The following TDRD3 variants were observed in gnomAD, a reference collection of about 807,000 sequenced individuals.
TDRD3 encodes tudor domain-containing protein 3.
TDRD3 carries 45 observed loss-of-function variants against 86.7 expected under a neutral mutation model. The ratio of observed to expected loss-of-function variants is 0.52; its 90% CI spans 0.41 to 0.67. The LOEUF is 0.67. Ranked by LOEUF, TDRD3 falls within the 30% of genes least tolerant of loss-of-function variation. The pLI is 0.00. For synonymous variants in TDRD3, 298 were observed against 301.7 expected (o/e 0.99, Z 0.13); for missense variants, 814 against 889.0 (o/e 0.92, Z 1.07).
chr13:60,440,330 C>A (rs1161934721), intron 2 of TDRD3, among the ~76,000 whole-genome samples: 1 of 150,486 alleles, frequency 6.6e-6, no homozygotes, highest in African/African-American at 2.4e-5. Flanking sequence ...TTTTTTTTTC[C>A]ATAATTGTAT....
At chr13:60,496,445 T>C (rs1253674927) in intron 8 of TDRD3, among the ~76,000 whole-genome samples, 1 of 150,592 alleles carries the variant, frequency 6.6e-6, no homozygotes, top group Non-Finnish European at 1.5e-5. Flanking sequence ...TTTCGTTAGA[T>C]TTGGGATTTT....
chr13:60,564,102 TTGAG>T (rs1958397336), intron 12 of TDRD3, among the ~76,000 whole-genome samples: 1 of 152,186 alleles, frequency 6.6e-6, no homozygotes, highest in African/African-American at 2.4e-5. Flanking sequence ...AAAGCTCATA[TTGAG>T]TATTAGTTAT....
chr13:60,494,457 G>A lies in TDRD3; in HGVS notation c.740G>A (p.Gly247Asp), dbSNP rs754113425. 6.8e-6 allele frequency: 11 copies of A among 1,613,216 alleles called. No individual in the cohort carries two copies. The highest frequency in any genetic ancestry group is 1.3e-5 in the African/African-American group (1 of 74,880). ...AAGACCAAGACATTTGGAGGAGGTG[G>A]TGGTGGTGCTAGAAGTAATCTCAAT... The part of the protein sequence containing the change: ...SKETKTFGGG[G>D]GGARSNLNMN... Residue 247 changes from glycine to aspartate, a missense_variant, in exon 8 of 14, where the codon GGT (glycine) becomes GAT (aspartate). By Grantham distance (94) the Gly-to-Asp change is moderately conservative. Transcript: ENST00000377881.
At chr13:60,563,664 G>C (rs1958388818) in intron 12 of TDRD3, among the ~76,000 whole-genome samples, 1 of 152,188 alleles carries the variant, frequency 6.6e-6, no homozygotes, top group African/African-American at 2.4e-5. Context: ...GCTCTCACTT[G>C]AGAACTCTTT....
chr13:60,523,685 G>A (rs536005429), intron 10 of TDRD3, among the ~76,000 whole-genome samples: 5 of 145,702 alleles, frequency 3.4e-5, no homozygotes, highest in South Asian at 2.2e-4. Context: ...CAAGCAATTC[G>A]CCTACCTCAG....
intron 12 of TDRD3, chr13:60,537,504 G>A (rs1428031001): frequency 6.6e-6 from 1 of 152,024 alleles, no homozygotes; most frequent in Non-Finnish European, 1.5e-5. Context: ...TATTGAAAGT[G>A]TTAATGTTGG....
intron 1 of TDRD3, among the ~76,000 whole-genome samples, chr13:60,431,465 A>C (rs1364095404): frequency 1.3e-5 from 2 of 151,868 alleles, no homozygotes; most frequent in African/African-American, 2.4e-5. Flanking sequence ...TTTCCCTAGA[A>C]ATTTTTTAAA....
At chr13:60,567,826 C>A (rs983421005) in intron 13 of TDRD3, among the ~76,000 whole-genome samples, 176 bp downstream of exon 13, 1 of 151,862 alleles carries the variant, frequency 6.6e-6, no homozygotes, top group African/African-American at 2.4e-5. Context: ...CAGGTTCAAG[C>A]GATTCTCCTG....
chr13:60,541,534 C>T (rs1957808855), intron 12 of TDRD3, among the ~76,000 whole-genome samples: 1 of 151,604 alleles, frequency 6.6e-6, no homozygotes, highest in African/African-American at 2.4e-5. Context: ...AATCTTTTAT[C>T]AACTAAATCT....
At chr13:60,480,233 AT>A (rs2137479600) in intron 5 of TDRD3, among the ~76,000 whole-genome samples, 1 of 152,112 alleles carries the variant, frequency 6.6e-6, no homozygotes, top group African/African-American at 2.4e-5. Context: ...AAAGGACTTC[AT>A]TTTTCCTTTG....
At chr13:60,523,499 T>C (rs867545356) in intron 10 of TDRD3, among the ~76,000 whole-genome samples, 2 of 152,092 alleles carry the variant, frequency 1.3e-5, no homozygotes, top group African/African-American at 2.4e-5. Context: ...TTTTCTCATA[T>C]GAGCTTTCCC....
At chr13:60,565,222 A>AT (rs1193630418) in intron 12 of TDRD3, among the ~76,000 whole-genome samples, 38 of 149,694 alleles carry the variant, frequency 2.5e-4, no homozygotes, top group African/African-American at 8.9e-4. Context: ...CGCCCGGCTA[A>AT]TTTTTTGTAT....
chr13:60,434,035 G>A lies in TDRD3; in HGVS notation c.42-5653G>A, dbSNP rs1201996176. The A allele has an allele frequency of 2.0e-5, 3 of 152,284 alleles. No homozygotes were observed. In the East Asian group the frequency reaches 5.8e-4, roughly 29 times the overall value. The allele number at this position is 152,284 out of a possible 1,614,324, so 9.4% of individuals were successfully genotyped here. A position where few individuals can be genotyped will look rare whatever the true frequency, so the allele number is the denominator to read the frequency against. Reference sequence around the variant, plus strand: ...AATTGAGATTCTTGAGCTATGGTTTGGACATGTCTGTTTTATATGCCAAGT... The same window carrying A: ...AATTGAGATTCTTGAGCTATGGTTTAGACATGTCTGTTTTATATGCCAAGT... On this transcript the variant is annotated intron_variant, in intron 1 of 13. Coordinates refer to ENST00000377881, the MANE Select transcript of TDRD3 (RefSeq NM_001146070.2).
chr13:60,451,059 T>C (rs1955528450), intron 3 of TDRD3, among the ~76,000 whole-genome samples: 1 of 152,238 alleles, frequency 6.6e-6, no homozygotes, highest in African/African-American at 2.4e-5. Flanking sequence ...AAATAAAGCT[T>C]GACAGATCTT....
chr13:60,461,768 G>T (rs1054800384), intron 4 of TDRD3, among the ~76,000 whole-genome samples: 1 of 152,168 alleles, frequency 6.6e-6, no homozygotes, highest in Non-Finnish European at 1.5e-5. Flanking sequence ...TAAACTGAGA[G>T]GTCTAAGAGT....
chr13:60,489,767 A>T (rs975361055), intron 7 of TDRD3, among the ~76,000 whole-genome samples: 1 of 152,204 alleles, frequency 6.6e-6, no homozygotes, highest in Non-Finnish European at 1.5e-5. Flanking sequence ...TTAAATTAAT[A>T]CATTTTATAT....
intron 13 of TDRD3, among the ~76,000 whole-genome samples, chr13:60,571,632 T>A (rs188403548): frequency 6.6e-6 from 1 of 152,342 alleles, no homozygotes; most frequent in East Asian, 1.9e-4. Flanking sequence ...TCAGTAAGTG[T>A]TTATTAAATC....
intron 8 of TDRD3, among the ~76,000 whole-genome samples, chr13:60,495,400 C>G (rs1280247671): frequency 1.3e-5 from 2 of 152,002 alleles, no homozygotes; most frequent in African/African-American, 4.8e-5. Flanking sequence ...GCAGAGCCAG[C>G]TATCGTGAGA....
chr13:60,425,237 A>G (rs1954771778), intron 1 of TDRD3, among the ~76,000 whole-genome samples: 2 of 152,232 alleles, frequency 1.3e-5, no homozygotes, highest in South Asian at 4.1e-4. Flanking sequence ...AGACATAAAA[A>G]TGTCTAAGAG....
Sources: gnomAD v4.1 joint callset for allele counts (sites outside exome capture counted in the v4.1 genomes callset) on GRCh38, gnomAD v4.1.1 for gene constraint, MANE v1.5 for transcripts, NCBI Gene and HGNC (gene_info 2026-07-23, HGNC 2026-07-21) for gene names.